The following TEX11 variants were observed in gnomAD, a reference collection of about 807,000 sequenced individuals.
TEX11 encodes testis expressed 11.
A neutral mutation model predicts 84.4 loss-of-function variants in TEX11; 7 were observed. That is an observed-to-expected ratio of 0.08 (90% CI 0.05 to 0.16). The LOEUF (loss-of-function observed/expected upper bound fraction) is 0.16, where lower values mean the gene tolerates loss of function less well. Ranked by LOEUF, TEX11 falls within the 10% of genes least tolerant of loss-of-function variation. The pLI is 1.00. For missense variants in TEX11, 551 were observed against 660.5 expected (o/e 0.83, Z 1.82); for synonymous variants, 264 against 222.8 (o/e 1.18, Z -1.64).
intron 14 of TEX11, among the ~76,000 whole-genome samples, chrX:70,680,698 C>CTGTCTG (rs2090141576): frequency 3.6e-5 from 4 of 111,457 alleles, no homozygotes. Context: ...AGGTTTTCAT[C>CTGTCTG]ATCAATTTTA....
rs1303300866 is a variant in TEX11, at chrX:70,803,643, G to A, written c.692+3062C>T. On this transcript the variant is annotated intron_variant, in intron 9 of 29. Transcript: ENST00000374333. ...AGGTTTTTACTTTTAGACTGAATGG[G>A]TACTTCCAAATTATATATAACCTCT... Among the ~76,000 whole-genome samples the A allele has an allele frequency of 9.0e-5, 10 of 111,578 alleles. No individual in the cohort carries two copies. The Admixed American group carries it at 9.6e-4, about 11-fold the overall frequency.
intron 7 of TEX11, among the ~76,000 whole-genome samples, chrX:70,837,682 T>C (rs755675770): frequency 9.0e-6 from 1 of 111,506 alleles, no homozygotes; most frequent in Non-Finnish European, 1.9e-5. Context: ...CATAGTGTAA[T>C]ATTACATTTA....
intron 8 of TEX11, among the ~76,000 whole-genome samples, chrX:70,823,100 A>G (rs2091326905): frequency 9.0e-6 from 1 of 111,364 alleles, no homozygotes; most frequent in South Asian, 3.8e-4. Flanking sequence ...ATTTGAAACT[A>G]TATGGATAAA....
chrX:70,732,887 C>T (rs1291643321), intron 11 of TEX11, among the ~76,000 whole-genome samples: 2 of 111,978 alleles, frequency 1.8e-5, no homozygotes, highest in Admixed American at 9.5e-5. Context: ...CATCACGCTA[C>T]CTGACTTCAA....
intron 9 of TEX11, among the ~76,000 whole-genome samples, chrX:70,752,625 A>G (rs1366174641): frequency 2.7e-5 from 3 of 109,916 alleles, no homozygotes; most frequent in Non-Finnish European, 5.7e-5. Flanking sequence ...TTCACCTAAG[A>G]TCAGCAATTC....
At chrX:70,772,099 G>A (rs1312316752) in intron 9 of TEX11, among the ~76,000 whole-genome samples, 1 of 111,777 alleles carries the variant, frequency 8.9e-6, no homozygotes, top group East Asian at 2.8e-4. Flanking sequence ...ACAGGCACTA[G>A]GTCAGCATAC....
intron 9 of TEX11, among the ~76,000 whole-genome samples, chrX:70,779,292 G>A (rs1399185148): frequency 9.3e-6 from 1 of 107,178 alleles, no homozygotes; most frequent in Non-Finnish European, 1.9e-5. Flanking sequence ...GTGGGTGCCT[G>A]TAATCCCAGC....
chrX:70,631,518 C>T (rs1005906783), intron 17 of TEX11, among the ~76,000 whole-genome samples: 4 of 107,110 alleles, frequency 3.7e-5, no homozygotes, highest in Non-Finnish European at 7.7e-5. Flanking sequence ...TTTGGGACTG[C>T]GGCCTCCTGA....
chrX:70,722,256 G>C (rs1022891411), intron 13 of TEX11, among the ~76,000 whole-genome samples: 2 of 111,902 alleles, frequency 1.8e-5, no homozygotes, highest in Admixed American at 1.9e-4. Flanking sequence ...TACATGGCTA[G>C]TGTGAAGGAG....
chrX:70,688,395 A>G (rs1465916641), intron 13 of TEX11, among the ~76,000 whole-genome samples: 1 of 111,612 alleles, frequency 9.0e-6, no homozygotes, highest in Non-Finnish European at 1.9e-5. Context: ...ATGTCCTCCA[A>G]TAGGTAAATA....
intron 3 of TEX11, among the ~76,000 whole-genome samples, chrX:70,875,608 G>A (rs935046811): frequency 9.3e-6 from 1 of 107,102 alleles, no homozygotes; most frequent in Non-Finnish European, 1.9e-5. Flanking sequence ...AAAATAGCCA[G>A]GTGTGGTGGT....
intron 13 of TEX11, among the ~76,000 whole-genome samples, chrX:70,711,850 A>C (rs1477129678): frequency 9.0e-6 from 1 of 111,452 alleles, no homozygotes; most frequent in East Asian, 2.8e-4. Flanking sequence ...TGTTTTAGAC[A>C]TGAAGTCCTT....
intron 25 of TEX11, among the ~76,000 whole-genome samples, chrX:70,557,836 C>T (rs1365944512): frequency 8.9e-6 from 1 of 112,049 alleles, no homozygotes; most frequent in African/African-American, 3.2e-5. Context: ...CTAACACTTC[C>T]TGATTTCAAA....
chrX:70,883,192 C>T (rs984477738), intron 2 of TEX11, among the ~76,000 whole-genome samples: 9 of 111,381 alleles, frequency 8.1e-5, no homozygotes, highest in African/African-American at 2.9e-4. Context: ...CTATGTTGCC[C>T]AGCCTGGCCT....
At chrX:70,632,482 A>C (rs1422055821) in intron 17 of TEX11, among the ~76,000 whole-genome samples, 1 of 111,249 alleles carries the variant, frequency 9.0e-6, no homozygotes, top group African/African-American at 3.3e-5. Flanking sequence ...AGTGGCATGC[A>C]CCTGTGGTCC....
chrX:70,900,344 G>A (rs4844276), intron 2 of TEX11, among the ~76,000 whole-genome samples: 8,336 of 93,487 alleles, frequency 0.089, 591 homozygotes, highest in East Asian at 0.28. Flanking sequence ...GTGCCACTGC[G>A]CTCCAGCCTG....
At chrX:70,518,692 A>G in the TEX11 span, among the ~76,000 whole-genome samples, 3 of 111,255 alleles carry the variant, frequency 2.7e-5, no homozygotes, top group African/African-American at 9.8e-5. Context: ...AACCTGTCTC[A>G]TTGATCTGTC....
At chrX:70,529,229 G>A in intron 29 of TEX11, 42 bp from the exon 30 acceptor site, 1 of 1,069,311 alleles carries the variant, frequency 9.4e-7, no homozygotes, top group Non-Finnish European at 1.3e-6. Context: ...AGGGGAAAAA[G>A]AAATGTGGGA....
chrX:70,706,223 C>T (rs2090374096), intron 13 of TEX11, among the ~76,000 whole-genome samples: 1 of 108,000 alleles, frequency 9.3e-6, no homozygotes, highest in African/African-American at 3.4e-5. Flanking sequence ...AAATCAAACA[C>T]TGCATATTCT....
Sources: allele counts gnomAD v4.1 joint callset (sites outside exome capture counted in the v4.1 genomes callset), GRCh38; gene constraint gnomAD v4.1.1; transcripts MANE v1.5; gene names NCBI Gene and HGNC (gene_info 2026-07-23, HGNC 2026-07-21).